NRXN3: variants seen among roughly 807,000 people sequenced by gnomAD.
NRXN3 encodes neurexin III.
NRXN3 carries 32 observed loss-of-function variants against 137.6 expected under a neutral mutation model. The ratio of observed to expected loss-of-function variants is 0.23; its 90% confidence interval spans 0.18 to 0.31. The LOEUF is 0.31. Among genes scored for constraint, NRXN3 ranks in the 10% least tolerant of loss-of-function variants. The probability of loss-of-function intolerance (pLI) is 1.00; values close to 1 mark genes in which losing one functional copy is unlikely to be tolerated. For synonymous variants in NRXN3, 798 were observed against 784.5 expected (o/e 1.02, Z -0.29); for missense variants, 1,574 against 2,062.5 (o/e 0.76, Z 4.59).
intron 15 of NRXN3, among the ~76,000 whole-genome samples, chr14:79,359,704 G>A (rs1023971257): frequency 5.9e-5 from 9 of 151,736 alleles, no homozygotes; most frequent in Admixed American, 5.9e-4. Context: ...CCAAGTAGCT[G>A]GGATTACCGG....
chr14:78,939,519 A>G (rs1015040262), intron 10 of NRXN3, among the ~76,000 whole-genome samples: 24 of 152,176 alleles, frequency 1.6e-4, no homozygotes, highest in Admixed American at 2.0e-4. Context: ...AAGGGATACA[A>G]CAGCTGGGAA....
At chr14:79,305,727 C>G (rs775575731) in intron 15 of NRXN3, among the ~76,000 whole-genome samples, 2 of 152,086 alleles carry the variant, frequency 1.3e-5, no homozygotes, top group African/African-American at 4.8e-5. Context: ...AAAGATTCCA[C>G]TAGCTACCAT....
intron 2 of NRXN3, among the ~76,000 whole-genome samples, chr14:78,276,636 G>A (rs546589900): frequency 2.6e-5 from 4 of 152,166 alleles, no homozygotes; most frequent in Non-Finnish European, 5.9e-5. Context: ...ATGGGTCCAA[G>A]GCCACAGAGA....
At chr14:79,513,081 C>G (rs2096947866) in intron 16 of NRXN3, among the ~76,000 whole-genome samples, 1 of 152,168 alleles carries the variant, frequency 6.6e-6, no homozygotes, top group Non-Finnish European at 1.5e-5. Flanking sequence ...CCTGGATTTG[C>G]TGGGTAACCT....
At chr14:78,531,333 A>G (rs1011961380) in intron 4 of NRXN3, among the ~76,000 whole-genome samples, 1 of 152,172 alleles carries the variant, frequency 6.6e-6, no homozygotes, top group Non-Finnish European at 1.5e-5. Flanking sequence ...CTTCATGTCA[A>G]TCTTCTCAGT....
chr14:78,930,591 T>C (rs924058050), intron 10 of NRXN3, among the ~76,000 whole-genome samples: 6 of 152,180 alleles, frequency 3.9e-5, no homozygotes, highest in Admixed American at 3.3e-4. Context: ...TCACTTAAGC[T>C]AAGGCAGGGA....
In NRXN3 at chr14:78,659,686, C is replaced by T. The variant is rs183762738; in HGVS notation, c.1221+8360C>T. 3.4e-4 allele frequency among the ~76,000 whole-genome samples: 23 copies of T among 68,332 alleles called. No homozygotes were observed. The East Asian group carries it at 6.7e-3, about 20-fold the overall frequency. 44.8% of individuals were successfully genotyped at this position (68,332 alleles called of 152,430 possible). A position where few individuals can be genotyped will look rare whatever the true frequency, so the allele number is the denominator to read the frequency against. On this transcript the variant is annotated intron_variant, in intron 6 of 20. Coordinates refer to ENST00000335750, the MANE Select transcript of NRXN3 (RefSeq NM_001330195.2). The stretch of plus-strand genomic sequence containing the variant: ...CAGAGCGAGACTCTGTCTCAGAAAA[C>T]AAAACTGCCATTTTTTGTGTGTGAG...
At chr14:78,967,518 G>C in intron 13 of NRXN3, 120 bp downstream of exon 13, 1 of 696,300 alleles carries the variant, frequency 1.4e-6, no homozygotes, top group South Asian at 2.1e-5. Context: ...TCCATATCCT[G>C]TTTTAACAAT....
intron 10 of NRXN3, among the ~76,000 whole-genome samples, chr14:78,933,674 G>T (rs559377981): frequency 6.6e-6 from 1 of 152,056 alleles, no homozygotes; most frequent in African/African-American, 2.4e-5. Flanking sequence ...TAACCATTTT[G>T]TTATTGACAC....
chr14:78,403,437 C>G (rs1341078981), intron 4 of NRXN3, among the ~76,000 whole-genome samples: 5 of 152,200 alleles, frequency 3.3e-5, no homozygotes, highest in Non-Finnish European at 5.9e-5. Flanking sequence ...GTCCATGTGA[C>G]TTCCTGAGTC....
rs1197860871 is a variant in NRXN3, at chr14:78,260,452, A to G, written c.709+16650A>G. Among the ~76,000 whole-genome samples, 3 of 152,306 alleles carry G rather than the reference A, an allele frequency of 2.0e-5. No individual in the cohort carries two copies. The East Asian group carries it at 5.8e-4, about 29-fold the overall frequency. On this transcript the variant is annotated intron_variant, in intron 2 of 20. Transcript: ENST00000335750. ...CTTCTAAGTTTAGTGCCCAGCTCTAATCATGCTCCTGAGTAGGCCTTGATG... is the reference window on the plus strand; with the variant it reads ...CTTCTAAGTTTAGTGCCCAGCTCTAGTCATGCTCCTGAGTAGGCCTTGATG...
intron 15 of NRXN3, among the ~76,000 whole-genome samples, chr14:79,227,252 A>T (rs1422198952): frequency 1.3e-5 from 2 of 152,170 alleles, no homozygotes; most frequent in African/African-American, 4.8e-5. Flanking sequence ...CAGACCACTG[A>T]TTCTGATGCT....
At chr14:79,049,044 A>T (rs1444619449) in intron 15 of NRXN3, among the ~76,000 whole-genome samples, 2 of 14,678 alleles carry the variant, frequency 1.4e-4, no homozygotes, top group Non-Finnish European at 3.3e-4. Flanking sequence ...AAAAAAAAAA[A>T]AAAAAAAAAA....
At chr14:79,265,569 G>A (rs573189098) in intron 15 of NRXN3, among the ~76,000 whole-genome samples, 1 of 152,230 alleles carries the variant, frequency 6.6e-6, no homozygotes, top group Admixed American at 6.5e-5. Flanking sequence ...TCAAGCCTGT[G>A]AGTTAGCAGT....
intron 16 of NRXN3, among the ~76,000 whole-genome samples, chr14:79,552,516 G>T (rs1433312222): frequency 6.6e-6 from 1 of 152,144 alleles, no homozygotes; most frequent in African/African-American, 2.4e-5. Flanking sequence ...AGGAGAGAAG[G>T]CGTACAAATT....
At chr14:79,857,206 C>G (rs1214734024) in intron 20 of NRXN3, among the ~76,000 whole-genome samples, 4 of 136,642 alleles carry the variant, frequency 2.9e-5, no homozygotes, top group African/African-American at 1.1e-4. Flanking sequence ...TAGCTTCCCA[C>G]CAAACTACTT....
At chr14:78,788,433 T>C (rs1299949663) in intron 8 of NRXN3, among the ~76,000 whole-genome samples, 1 of 152,188 alleles carries the variant, frequency 6.6e-6, no homozygotes, top group Non-Finnish European at 1.5e-5. Flanking sequence ...TCTATGTGGA[T>C]TGCCCTGACA....
At chr14:78,337,617 G>A (rs2081624813) in intron 4 of NRXN3, among the ~76,000 whole-genome samples, 1 of 152,070 alleles carries the variant, frequency 6.6e-6, no homozygotes, top group Non-Finnish European at 1.5e-5. Context: ...GCTTGCTCTG[G>A]GGTTTCAAAG....
chr14:78,846,654 C>G (rs549541169), intron 10 of NRXN3, among the ~76,000 whole-genome samples: 3 of 152,094 alleles, frequency 2.0e-5, no homozygotes, highest in African/African-American at 7.2e-5. Context: ...GTTGAGATTC[C>G]TAGCATCTCT....
Sources: gnomAD v4.1 joint callset for allele counts (sites outside exome capture counted in the v4.1 genomes callset) on GRCh38, gnomAD v4.1.1 for gene constraint, MANE v1.5 for transcripts, NCBI Gene and HGNC (gene_info 2026-07-23, HGNC 2026-07-21) for gene names.